CDK14: variants seen among roughly 807,000 people sequenced by gnomAD.
The protein encoded by CDK14 is cyclin-dependent kinase 14.
Under a neutral mutation model 60.7 loss-of-function variants are expected in CDK14, and 34 were observed. The observed-to-expected ratio is 0.56, with a 90% confidence interval of 0.43 to 0.75. CDK14 has a LOEUF of 0.75. CDK14 is among the 30% of genes least tolerant of loss of function. The probability of loss-of-function intolerance (pLI) is 0.00; values close to 1 mark genes in which losing one functional copy is unlikely to be tolerated. For synonymous variants in CDK14, 197 were observed against 203.7 expected (o/e 0.97, Z 0.28); for missense variants, 482 against 564.1 (o/e 0.85, Z 1.47).
chr7:91,110,811 A>G (rs1038915243), intron 12 of CDK14, among the ~76,000 whole-genome samples: 1 of 152,354 alleles, frequency 6.6e-6, no homozygotes, highest in East Asian at 1.9e-4. Flanking sequence ...TGATATGAAC[A>G]TACTGTTCAC....
intron 4 of CDK14, among the ~76,000 whole-genome samples, chr7:90,751,492 A>G (rs1216043141): frequency 1.3e-5 from 2 of 152,162 alleles, no homozygotes; most frequent in African/African-American, 2.4e-5. Context: ...TTACCACTAG[A>G]TCAGCCTTAC....
intron 6 of CDK14, among the ~76,000 whole-genome samples, chr7:90,880,892 T>TCAA (rs368427970): frequency 6.6e-6 from 1 of 151,598 alleles, no homozygotes; most frequent in African/African-American, 2.4e-5. Context: ...AACAACAGCA[T>TCAA]CAACAACAAC....
chr7:90,710,445 G>A, intron 2 of CDK14: 2 of 985,202 alleles, frequency 2.0e-6, no homozygotes, highest in Non-Finnish European at 2.4e-6. Flanking sequence ...TTGGATCTGA[G>A]TAGAATAAAT....
intron 2 of CDK14, among the ~76,000 whole-genome samples, chr7:90,644,993 A>G (rs1800428878): frequency 1.3e-5 from 2 of 152,216 alleles, no homozygotes; most frequent in Non-Finnish European, 2.9e-5. Context: ...CTAAGAAAAG[A>G]AAGTAGATGG....
chr7:91,085,453 A>G (rs1426234749), intron 12 of CDK14, among the ~76,000 whole-genome samples: 1 of 152,144 alleles, frequency 6.6e-6, no homozygotes, highest in Non-Finnish European at 1.5e-5. Flanking sequence ...AGCAGGAGAA[A>G]GTTCTCTGCT....
intron 4 of CDK14, among the ~76,000 whole-genome samples, chr7:90,759,729 G>A (rs577651514): frequency 3.3e-5 from 5 of 152,186 alleles, no homozygotes; most frequent in African/African-American, 1.2e-4. Flanking sequence ...AATCTAGGGG[G>A]TATGTGAGTC....
chr7:90,940,801 A>G (rs949617396), intron 8 of CDK14, among the ~76,000 whole-genome samples: 6 of 152,050 alleles, frequency 3.9e-5, no homozygotes, highest in African/African-American at 9.7e-5. Context: ...AAAAAAGTGT[A>G]TATCTATCTA....
intron 7 of CDK14, among the ~76,000 whole-genome samples, chr7:90,916,202 T>C (rs937437280): frequency 1.3e-5 from 2 of 152,196 alleles, no homozygotes; most frequent in African/African-American, 4.8e-5. Context: ...AAGTGAAGAA[T>C]GAGGCTGGCA....
At chr7:90,869,893 T>G (rs1791308946) in intron 6 of CDK14, among the ~76,000 whole-genome samples, 1 of 152,206 alleles carries the variant, frequency 6.6e-6, no homozygotes, top group African/African-American at 2.4e-5. Context: ...CTTGCCTATC[T>G]TTGCCAATGT....
intron 9 of CDK14, among the ~76,000 whole-genome samples, chr7:90,983,573 G>A (rs1343147338): frequency 1.3e-5 from 2 of 151,878 alleles, no homozygotes; most frequent in Non-Finnish European, 2.9e-5. Context: ...CCAGCTACTC[G>A]GGAGGCTGAG....
intron 14 of CDK14, among the ~76,000 whole-genome samples, chr7:91,143,111 C>G (rs1399431486): frequency 6.6e-6 from 1 of 152,168 alleles, no homozygotes. Flanking sequence ...AAGATAGCAT[C>G]TGAGCTAAAA....
intron 10 of CDK14, among the ~76,000 whole-genome samples, chr7:90,991,276 G>A (rs1196008095): frequency 2.0e-5 from 3 of 152,112 alleles, no homozygotes; most frequent in Non-Finnish European, 4.4e-5. Flanking sequence ...TCAGGGAGAT[G>A]CATGGGAATC....
At chr7:90,935,166 C>CACTCCCAAGATAATGAACCA (rs1467589756) in intron 8 of CDK14, among the ~76,000 whole-genome samples, 1 of 152,158 alleles carries the variant, frequency 6.6e-6, no homozygotes, top group East Asian at 1.9e-4. Flanking sequence ...ATATGGAACC[C>CACTCCCAAGATAATGAACCA]ACTCCCAAGA....
chr7:91,087,538 C>A (rs990662105), intron 12 of CDK14, among the ~76,000 whole-genome samples: 3 of 152,152 alleles, frequency 2.0e-5, no homozygotes, highest in East Asian at 1.9e-4. Flanking sequence ...ATTTGTATAA[C>A]CTCTTGGCAG....
chr7:90,789,386 T>G (rs721174), intron 4 of CDK14, among the ~76,000 whole-genome samples: 66,049 of 151,852 alleles, frequency 0.43, 15,153 homozygotes, highest in East Asian at 0.82. Context: ...TACATATATA[T>G]GTAAGTCTAT....
At chr7:90,730,795 C>T (rs905776196) in intron 3 of CDK14, among the ~76,000 whole-genome samples, 1 of 152,154 alleles carries the variant, frequency 6.6e-6, no homozygotes, top group African/African-American at 2.4e-5. Flanking sequence ...TTCTCCCATT[C>T]TGGAGTTTGC....
chr7:90,810,389 G>C (rs969232844), intron 5 of CDK14, among the ~76,000 whole-genome samples: 1 of 152,184 alleles, frequency 6.6e-6, no homozygotes, highest in Non-Finnish European at 1.5e-5. Context: ...TATCTGAATA[G>C]ATGTGGAAAA....
intron 12 of CDK14, among the ~76,000 whole-genome samples, chr7:91,097,202 G>A (rs897869901): frequency 2.0e-5 from 3 of 152,028 alleles, no homozygotes; most frequent in Non-Finnish European, 4.4e-5. Context: ...CCAACATGGT[G>A]AAACCCTGTA....
chr7:90,969,777 T>C (rs2117622101), intron 9 of CDK14, among the ~76,000 whole-genome samples: 1 of 152,260 alleles, frequency 6.6e-6, no homozygotes, highest in Middle Eastern at 3.4e-3. Flanking sequence ...ATATTTTTCA[T>C]TTTTCTTTTT....
Sources: allele counts gnomAD v4.1 joint callset (sites outside exome capture counted in the v4.1 genomes callset), GRCh38; gene constraint gnomAD v4.1.1; transcripts MANE v1.5; gene names NCBI Gene and HGNC (gene_info 2026-07-23, HGNC 2026-07-21).